The following MTUS2 variants were observed in gnomAD, a reference collection of about 807,000 sequenced individuals.
MTUS2 encodes the protein microtubule associated scaffold protein 2.
A neutral mutation model predicts 114.1 loss-of-function variants in MTUS2; 40 were observed. The ratio of observed to expected loss-of-function variants is 0.35; its 90% CI spans 0.27 to 0.46. The LOEUF is 0.46. Among genes scored for constraint, MTUS2 ranks in the 20% least tolerant of loss-of-function variants. The pLI is 1.00. For missense variants in MTUS2, 1,679 were observed against 1,705.4 expected, an observed-to-expected ratio of 0.98 and a Z score of 0.27; for synonymous variants, 688 against 672.0, an observed-to-expected ratio of 1.02 and a Z score of -0.37.
intron 4 of MTUS2, among the ~76,000 whole-genome samples, chr13:29,088,530 C>T (rs9506096): frequency 0.17 from 26,421 of 152,090 alleles, 2,653 homozygotes; most frequent in Middle Eastern, 0.24. Context: ...CAAATATCTT[C>T]GTTAATGTTC....
chr13:29,316,902 G>A (rs1315649122), intron 6 of MTUS2, among the ~76,000 whole-genome samples: 1 of 152,270 alleles, frequency 6.6e-6, no homozygotes, highest in East Asian at 1.9e-4. Flanking sequence ...TTCCGTTACA[G>A]CTCATACCTG....
chr13:29,432,030 T>C (rs74582576), intron 8 of MTUS2, among the ~76,000 whole-genome samples: 5 of 147,430 alleles, frequency 3.4e-5, no homozygotes, highest in East Asian at 2.1e-4. Flanking sequence ...TTTTTTTTTT[T>C]TTGGCAGAGC....
chr13:29,477,702 T>C (rs551676113), intron 9 of MTUS2, among the ~76,000 whole-genome samples: 1 of 152,288 alleles, frequency 6.6e-6, no homozygotes, highest in East Asian at 1.9e-4. Context: ...GCTCTGAAGC[T>C]TGGTGCATTC....
intron 3 of MTUS2, among the ~76,000 whole-genome samples, chr13:29,032,559 G>A (rs777647951): frequency 6.6e-6 from 1 of 152,152 alleles, no homozygotes; most frequent in Non-Finnish European, 1.5e-5. Flanking sequence ...GATGTAGAAT[G>A]TTCTTTCATA....
chr13:29,413,248 T>G (rs113468062), intron 8 of MTUS2, among the ~76,000 whole-genome samples: 10 of 152,330 alleles, frequency 6.6e-5, no homozygotes, highest in African/African-American at 2.2e-4. Flanking sequence ...CTTCTGCATT[T>G]TTAAAGCTCA....
chr13:29,332,095 C>CTT (rs1555265991), intron 7 of MTUS2, among the ~76,000 whole-genome samples: 2 of 152,096 alleles, frequency 1.3e-5, no homozygotes, highest in South Asian at 4.1e-4. Flanking sequence ...GGGAGGAGTC[C>CTT]TTCTTTTTCT....
At position 29,292,101 on chromosome 13, in the gene MTUS2, T is replaced by C. The variant is rs184113457; in HGVS notation, c.2806+10236T>C. ...CAGATTGTAGTTAAATCCCAAATAA[T>C]TGGATTTCTTGGGACTGTGAGGTGT... On this transcript the variant is annotated intron_variant, in intron 6 of 15. Coordinates refer to ENST00000612955, the MANE Select transcript of MTUS2 (RefSeq NM_001033602.4). 3.3e-3 allele frequency among the ~76,000 whole-genome samples: 496 copies of C among 152,316 alleles called. 1 individual carries two copies. The highest frequency in any genetic ancestry group is 5.1e-3 in the Non-Finnish European group (346 of 68,024).
At chr13:29,272,513 G>A (rs898352216) in intron 5 of MTUS2, among the ~76,000 whole-genome samples, 8 of 152,132 alleles carry the variant, frequency 5.3e-5, no homozygotes, top group African/African-American at 1.7e-4. Context: ...TGGGAGTTTA[G>A]GCTGAGTTAT....
At chr13:29,307,380 G>A (rs1593285168) in intron 6 of MTUS2, 1 of 856,308 alleles carries the variant, frequency 1.2e-6, no homozygotes, top group Non-Finnish European at 2.0e-6. Flanking sequence ...ATAGCCATGG[G>A]GCTCTCCAGA....
chr13:28,849,396 ACAG>A (rs1876102276), intron 2 of MTUS2, among the ~76,000 whole-genome samples: 1 of 152,246 alleles, frequency 6.6e-6, no homozygotes, highest in Non-Finnish European at 1.5e-5. Flanking sequence ...AGGCAAAAAC[ACAG>A]CAGAAGTTCA....
intron 9 of MTUS2, among the ~76,000 whole-genome samples, chr13:29,452,696 A>G (rs60977472): frequency 0.075 from 11,381 of 151,724 alleles, 517 homozygotes; most frequent in African/African-American, 0.13. Flanking sequence ...CTCCTGCCTC[A>G]GCCTCCCAAA....
At chr13:29,325,466 A>AAAAGG (rs1555265211) in intron 7 of MTUS2, among the ~76,000 whole-genome samples, 19 of 126,420 alleles carry the variant, frequency 1.5e-4, no homozygotes, top group Middle Eastern at 4.3e-3. Flanking sequence ...AAAAAAAAAA[A>AAAAGG]AAAAGAAAAG....
At chr13:28,976,637 G>T (rs1884120692) in intron 2 of MTUS2, among the ~76,000 whole-genome samples, 2 of 151,968 alleles carry the variant, frequency 1.3e-5, no homozygotes, top group African/African-American at 2.4e-5. Context: ...GGAGATGAGA[G>T]AATGGATATG....
At chr13:29,272,236 C>T (rs974847770) in intron 5 of MTUS2, among the ~76,000 whole-genome samples, 1 of 152,014 alleles carries the variant, frequency 6.6e-6, no homozygotes, top group Non-Finnish European at 1.5e-5. Context: ...GCTGCTAAGT[C>T]AATGAAATAT....
intron 6 of MTUS2, among the ~76,000 whole-genome samples, chr13:29,323,905 G>A (rs916084341): frequency 2.0e-5 from 3 of 152,156 alleles, no homozygotes; most frequent in African/African-American, 4.8e-5. Flanking sequence ...GTGTGATTTC[G>A]CTAATCTCAC....
chr13:29,411,243 G>C (rs1431105862), intron 8 of MTUS2, among the ~76,000 whole-genome samples: 1 of 152,138 alleles, frequency 6.6e-6, no homozygotes, highest in Admixed American at 6.5e-5. Flanking sequence ...TATCTATTTG[G>C]AGTTTGTTCC....
intron 5 of MTUS2, among the ~76,000 whole-genome samples, chr13:29,174,529 G>A (rs1215454572): frequency 6.6e-6 from 1 of 152,200 alleles, no homozygotes; most frequent in Admixed American, 6.5e-5. Context: ...GGTTTGGACT[G>A]TGAGAACAAG....
intron 5 of MTUS2, among the ~76,000 whole-genome samples, chr13:29,212,282 G>C (rs1190595997): frequency 6.6e-6 from 1 of 151,964 alleles, no homozygotes; most frequent in Admixed American, 6.6e-5. Flanking sequence ...TCTCTAATTT[G>C]TAATTCTAAT....
At chr13:29,390,097 A>G (rs71427265) in intron 8 of MTUS2, among the ~76,000 whole-genome samples, 22,400 of 90,648 alleles carry the variant, frequency 0.25, 8,368 homozygotes, top group Non-Finnish European at 0.38. Context: ...ATGTACACAT[A>G]CACATATATA....
Sources: allele counts gnomAD v4.1 joint callset (sites outside exome capture counted in the v4.1 genomes callset), GRCh38; gene constraint gnomAD v4.1.1; transcripts MANE v1.5; gene names NCBI Gene and HGNC (gene_info 2026-07-23, HGNC 2026-07-21).